Variants in SOX6 observed in about 807,000 individuals in gnomAD.
SOX6 encodes transcription factor SOX-6.
SOX6 carries 11 observed loss-of-function variants against 97.8 expected under a neutral mutation model. The ratio of observed to expected loss-of-function variants is 0.11; its 90% CI spans 0.07 to 0.19. The LOEUF is 0.19. SOX6 is among the 10% of genes least tolerant of loss of function. The pLI, the probability that SOX6 is intolerant of heterozygous loss-of-function variation, is 1.00. For synonymous variants in SOX6, 360 were observed against 371.4 expected (o/e 0.97, Z 0.35); for missense variants, 810 against 1,039.5 (o/e 0.78, Z 3.04).
At chr11:16,577,155 T>C (rs1016264159) in intron 4 of SOX6, 1 of 152,178 alleles carries the variant, frequency 6.6e-6, no homozygotes. Flanking sequence ...GGTAATTTAT[T>C]TTTACTAATT....
At chr11:16,649,007 AG>A (rs1294637995) in intron 3 of SOX6, among the ~76,000 whole-genome samples, 2 of 152,154 alleles carry the variant, frequency 1.3e-5, no homozygotes, top group Non-Finnish European at 2.9e-5. Context: ...TAGAACAAGT[AG>A]AAGAAAGAAC....
chr11:16,503,027 C>G (rs1411190314), intron 4 of SOX6, among the ~76,000 whole-genome samples: 2 of 152,092 alleles, frequency 1.3e-5, no homozygotes, highest in East Asian at 3.9e-4. Flanking sequence ...CAGCAGAAAT[C>G]TTACAGGCCA....
intron 1 of SOX6, among the ~76,000 whole-genome samples, chr11:16,462,233 T>A (rs966357481): frequency 1.3e-5 from 2 of 152,266 alleles, no homozygotes; most frequent in South Asian, 2.1e-4. Flanking sequence ...CTTCTCACTA[T>A]GCTATTAACT....
At chr11:16,379,273 C>A (rs1417923219) in intron 1 of SOX6, among the ~76,000 whole-genome samples, 1 of 151,978 alleles carries the variant, frequency 6.6e-6, no homozygotes, top group Non-Finnish European at 1.5e-5. Context: ...TGGAGACCAG[C>A]CTGACCAACA....
intron 10 of SOX6, among the ~76,000 whole-genome samples, chr11:16,052,443 A>T (rs1847708609): frequency 6.6e-6 from 1 of 152,164 alleles, no homozygotes; most frequent in Non-Finnish European, 1.5e-5. Context: ...TGTTTTTGTC[A>T]GTTTTGTCCA....
intron 1 of SOX6, among the ~76,000 whole-genome samples, chr11:16,447,109 T>A (rs1246000985): frequency 6.6e-6 from 1 of 152,068 alleles, no homozygotes; most frequent in Admixed American, 6.6e-5. Flanking sequence ...ATCAAGAAGT[T>A]TCAACTTTAT....
upstream of SOX6, among the ~76,000 whole-genome samples, chr11:16,480,651 C>CT (rs944420015): frequency 6.6e-6 from 1 of 151,528 alleles, no homozygotes; most frequent in Admixed American, 6.6e-5. Context: ...AGTAACCCCC[C>CT]CCCCACCTTC....
At chr11:16,155,387 A>G (rs1231752091) in intron 6 of SOX6, among the ~76,000 whole-genome samples, 1 of 152,128 alleles carries the variant, frequency 6.6e-6, no homozygotes, top group Non-Finnish European at 1.5e-5. Context: ...ACCTACCTCA[A>G]TGGGCTATTG....
At chr11:16,294,385 T>G (rs1855006499) in intron 3 of SOX6, among the ~76,000 whole-genome samples, 1 of 152,118 alleles carries the variant, frequency 6.6e-6, no homozygotes. Context: ...TTCAATGCCT[T>G]TGGGCAATTG....
At chr11:16,057,612 T>A (rs1847851477) in intron 9 of SOX6, among the ~76,000 whole-genome samples, 1 of 152,190 alleles carries the variant, frequency 6.6e-6, no homozygotes, top group African/African-American at 2.4e-5. Context: ...CTTTTGCCTC[T>A]CTTGTACTGG....
chr11:16,571,467 T>G (rs1225556534), intron 4 of SOX6, among the ~76,000 whole-genome samples: 1 of 152,162 alleles, frequency 6.6e-6, no homozygotes, highest in Admixed American at 6.5e-5. Context: ...TTGCCCAGGC[T>G]AGAGTGCAGT....
intron 3 of SOX6, chr11:16,317,000 T>G (rs894863719): frequency 3.7e-4 from 56 of 151,994 alleles, no homozygotes; most frequent in African/African-American, 1.3e-3. Context: ...TATAGGTAAA[T>G]AGGAGAAAAT....
At chr11:16,076,627 G>A (rs1401618462) in intron 9 of SOX6, among the ~76,000 whole-genome samples, 1 of 152,152 alleles carries the variant, frequency 6.6e-6, no homozygotes. Context: ...AGGAAGCATG[G>A]CTGGGAGGCC....
chr11:16,383,872 G>C (rs976693323), intron 1 of SOX6, among the ~76,000 whole-genome samples: 3 of 151,798 alleles, frequency 2.0e-5, no homozygotes, highest in African/African-American at 2.4e-5. Context: ...ACTAATTACA[G>C]AGAAATGACA....
At chr11:16,564,869 T>C (rs1349289955) in intron 4 of SOX6, among the ~76,000 whole-genome samples, 1 of 151,906 alleles carries the variant, frequency 6.6e-6, no homozygotes, top group African/African-American at 2.4e-5. Context: ...AGAAAAATCT[T>C]AAATCAATAA....
At chr11:16,361,896 C>T (rs566802694) in intron 1 of SOX6, among the ~76,000 whole-genome samples, 16 of 152,272 alleles carry the variant, frequency 1.1e-4, no homozygotes, top group South Asian at 8.3e-4. Context: ...GAAAACTAGA[C>T]GTAAGTGCTA....
intron 4 of SOX6, among the ~76,000 whole-genome samples, chr11:16,523,434 C>T (rs191885781): frequency 1.6e-4 from 24 of 152,068 alleles, no homozygotes; most frequent in South Asian, 4.2e-4. Context: ...TTGAAACCAA[C>T]GAGAACAAAG....
At chr11:16,595,855 A>G (rs891334550) in intron 4 of SOX6, among the ~76,000 whole-genome samples, 1 of 152,178 alleles carries the variant, frequency 6.6e-6, no homozygotes, top group African/African-American at 2.4e-5. Context: ...TTATCAGTAG[A>G]GAGGGTTTAC....
At chr11:16,330,722 T>G (rs1047758506) in intron 2 of SOX6, among the ~76,000 whole-genome samples, 5 of 152,188 alleles carry the variant, frequency 3.3e-5, no homozygotes, top group Non-Finnish European at 7.3e-5. Flanking sequence ...ATCCCAATTT[T>G]AACCTTGAAA....
Sources: allele counts gnomAD v4.1 joint callset (sites outside exome capture counted in the v4.1 genomes callset), GRCh38; gene constraint gnomAD v4.1.1; transcripts MANE v1.5; gene names NCBI Gene and HGNC (gene_info 2026-07-23, HGNC 2026-07-21).